CFDP1: variants seen among roughly 807,000 people sequenced by gnomAD.
CFDP1 encodes chromatin remodeling protein CFDP1, also known as heterochromatin-stabilizing protein CFDP1.
In CFDP1, 31 loss-of-function variants were observed where a neutral mutation model predicts 40.1. That is an observed-to-expected ratio of 0.77 (90% CI 0.58 to 1.04). The LOEUF (loss-of-function observed/expected upper bound fraction) is 1.04. CFDP1 is among the 50% of genes least tolerant of loss of function. CFDP1 has a pLI of 0.00. For missense variants in CFDP1, 423 were observed against 343.4 expected (o/e 1.23, Z -1.83); for synonymous variants, 167 against 120.0 (o/e 1.39, Z -2.56).
intron 1 of CFDP1, among the ~76,000 whole-genome samples, chr16:75,421,713 G>A (rs1433964535): frequency 6.6e-6 from 1 of 152,120 alleles, no homozygotes; most frequent in Non-Finnish European, 1.5e-5. Flanking sequence ...TATGAGGCCT[G>A]CATTATCTGA....
At chr16:75,419,283 A>C (rs1361583395) in intron 1 of CFDP1, 3 of 155,904 alleles carry the variant, frequency 1.9e-5, no homozygotes, top group African/African-American at 7.2e-5. Context: ...GACAGAAAAA[A>C]AAATTTGTAC....
intron 5 of CFDP1, among the ~76,000 whole-genome samples, chr16:75,343,856 T>C (rs1481340808): frequency 6.6e-6 from 1 of 152,210 alleles, no homozygotes; most frequent in Non-Finnish European, 1.5e-5. Flanking sequence ...GATGATCTGG[T>C]AGTTGAGTAG....
chr16:75,432,673 T>C (rs557370166), intron 1 of CFDP1, among the ~76,000 whole-genome samples: 6 of 152,350 alleles, frequency 3.9e-5, no homozygotes, highest in Admixed American at 2.0e-4. Context: ...TGGGTGAAGA[T>C]ACTTTCAACG....
chr16:75,406,407 TAAAC>T (rs964199164), intron 4 of CFDP1, among the ~76,000 whole-genome samples: 7 of 148,256 alleles, frequency 4.7e-5, no homozygotes, highest in South Asian at 2.2e-4. Flanking sequence ...ATATTAAAAA[TAAAC>T]AAACAAATAG....
intron 5 of CFDP1, among the ~76,000 whole-genome samples, chr16:75,374,113 C>A (rs948169002): frequency 2.0e-5 from 3 of 151,824 alleles, no homozygotes; most frequent in Non-Finnish European, 4.4e-5. Context: ...ATCAGCCAGG[C>A]GTGGTGGTGG....
chr16:75,325,027 C>T (rs966391830), intron 5 of CFDP1: 1 of 152,190 alleles, frequency 6.6e-6, no homozygotes, highest in African/African-American at 2.4e-5. Flanking sequence ...AGTCTTCTAG[C>T]ATGGAAAGTC....
intron 6 of CFDP1, among the ~76,000 whole-genome samples, chr16:75,299,344 T>G (rs1052420971): frequency 6.6e-6 from 1 of 151,852 alleles, no homozygotes; most frequent in African/African-American, 2.4e-5. Context: ...TCCCAGCACT[T>G]TGGGAGGCTG....
At chr16:75,422,739 T>C (rs913396128) in intron 1 of CFDP1, among the ~76,000 whole-genome samples, 1 of 151,998 alleles carries the variant, frequency 6.6e-6, no homozygotes, top group Non-Finnish European at 1.5e-5. Flanking sequence ...AACACGTTTT[T>C]AGAGGTTAAG....
chr16:75,315,937 G>T (rs2078320985), intron 5 of CFDP1, among the ~76,000 whole-genome samples: 1 of 152,116 alleles, frequency 6.6e-6, no homozygotes, highest in African/African-American at 2.4e-5. Context: ...AGTTTCTTTA[G>T]TCTCCTTTAA....
intron 5 of CFDP1, among the ~76,000 whole-genome samples, chr16:75,318,201 ACTGGTCTGTG>A (rs1172632297): frequency 1.3e-5 from 2 of 152,034 alleles, no homozygotes; most frequent in Non-Finnish European, 2.9e-5. Context: ...TGTGACTGTG[ACTGGTCTGTG>A]CTGGTCTGAC....
At chr16:75,356,894 A>C (rs961634540) in intron 5 of CFDP1, among the ~76,000 whole-genome samples, 44 of 148,312 alleles carry the variant, frequency 3.0e-4, no homozygotes, top group African/African-American at 1.0e-3. Context: ...CATGTTATGG[A>C]AACAGCTGCT....
Position 75,369,664 on chromosome 16 carries a change from T to C in CFDP1, c.650+25426A>G, listed in dbSNP as rs115796154. Among the ~76,000 whole-genome samples, 624 of 152,366 alleles carry C rather than the reference T, an allele frequency of 4.1e-3. 5 individuals are homozygous for C. The highest frequency in any genetic ancestry group is 0.013 in the African/African-American group (559 of 41,588). On this transcript the variant is annotated intron_variant, in intron 5 of 6. Transcript: ENST00000283882. ...AACTAAGTAAGACCAGATTATTCTC[T>C]AGTGCTCAGAGTCTCAACAGCAGGT...
At chr16:75,403,231 T>C (rs1324814890) in intron 4 of CFDP1, among the ~76,000 whole-genome samples, 1 of 152,164 alleles carries the variant, frequency 6.6e-6, no homozygotes, top group Non-Finnish European at 1.5e-5. Context: ...ATTTATGACT[T>C]TTTTTGAGAC....
intron 5 of CFDP1, among the ~76,000 whole-genome samples, chr16:75,313,894 G>GTT (rs11423940): frequency 2.6e-4 from 39 of 150,822 alleles, no homozygotes; most frequent in African/African-American, 7.8e-4. Flanking sequence ...ACTGTTTTTT[G>GTT]TTTTTTTTTA....
chr16:75,336,017 A>C (rs8052555), intron 5 of CFDP1, among the ~76,000 whole-genome samples: 32,571 of 152,194 alleles, frequency 0.21, 3,873 homozygotes, highest in African/African-American at 0.31. Flanking sequence ...AGGGGATGAA[A>C]ATAATCTAAA....
At chr16:75,401,594 C>T (rs1326044435) in intron 4 of CFDP1, among the ~76,000 whole-genome samples, 1 of 151,844 alleles carries the variant, frequency 6.6e-6, no homozygotes. Context: ...GGTGCGACTC[C>T]GTCTCAGAAA....
intron 1 of CFDP1, among the ~76,000 whole-genome samples, chr16:75,428,954 T>TA (rs2151605876): frequency 6.7e-6 from 1 of 149,940 alleles, no homozygotes; most frequent in South Asian, 2.1e-4. Flanking sequence ...GTCTCTACTA[T>TA]AAAAATACAA....
chr16:75,341,007 A>T (rs967663713), intron 5 of CFDP1, among the ~76,000 whole-genome samples: 1 of 152,130 alleles, frequency 6.6e-6, no homozygotes, highest in Non-Finnish European at 1.5e-5. Flanking sequence ...GAAGTAAAAA[A>T]AATATTTTCA....
intron 5 of CFDP1, among the ~76,000 whole-genome samples, chr16:75,325,645 A>G (rs1201246466): frequency 2.6e-5 from 4 of 152,274 alleles, no homozygotes; most frequent in Admixed American, 2.6e-4. Context: ...TCACTGATAT[A>G]ACCTAAGCAC....
Sources: allele counts gnomAD v4.1 joint callset (sites outside exome capture counted in the v4.1 genomes callset), GRCh38; gene constraint gnomAD v4.1.1; transcripts MANE v1.5; gene names NCBI Gene and HGNC (gene_info 2026-07-23, HGNC 2026-07-21).